The following RNF144A variants were observed in gnomAD, a reference collection of about 807,000 sequenced individuals.
The protein encoded by RNF144A is ring finger protein 144A.
Under a neutral mutation model 38.7 loss-of-function variants are expected in RNF144A, and 11 were observed. The ratio of observed to expected loss-of-function variants is 0.28; its 90% CI spans 0.18 to 0.47. The LOEUF (loss-of-function observed/expected upper bound fraction) is 0.47, where lower values mean the gene tolerates loss of function less well. Ranked by LOEUF, RNF144A falls within the 20% of genes least tolerant of loss-of-function variation. RNF144A has a pLI of 0.99. For missense variants in RNF144A, 316 were observed against 377.2 expected (o/e 0.84, Z 1.34); for synonymous variants, 149 against 143.9 (o/e 1.04, Z -0.25).
rs1054910753 is a variant in RNF144A, at chr2:7,066,689, T to C, written c.735-1527T>C. Among the ~76,000 whole-genome samples the C allele has an allele frequency of 5.9e-5, 9 of 152,326 alleles. No homozygotes were observed. In the South Asian group the frequency reaches 1.4e-3, roughly 25 times the overall value. On this transcript the variant is annotated intron_variant, in intron 6 of 6. Transcript: ENST00000432850. ...ACTAAGGTTGACTTTATGGAGTCAA[T>C]AAAGCCTCTTGGAAAAAAATTATCG...
intron 2 of RNF144A, among the ~76,000 whole-genome samples, chr2:6,968,478 G>T (rs547944749): frequency 2.6e-5 from 4 of 152,296 alleles, no homozygotes; most frequent in African/African-American, 9.6e-5. Flanking sequence ...GATTTATTCT[G>T]GGAACATGAA....
intron 6 of RNF144A, among the ~76,000 whole-genome samples, chr2:7,058,289 T>G (rs2103477716): frequency 6.9e-6 from 1 of 145,538 alleles, no homozygotes; most frequent in African/African-American, 2.6e-5. Flanking sequence ...GAGGGTAACA[T>G]GAGCTATGGC....
At chr2:7,015,002 C>G (rs1003004606) in intron 5 of RNF144A, among the ~76,000 whole-genome samples, 1 of 152,136 alleles carries the variant, frequency 6.6e-6, no homozygotes, top group Admixed American at 6.5e-5. Flanking sequence ...TTATGGAACA[C>G]AATTTGTTTA....
At chr2:7,025,599 G>A (rs1452797986) in intron 7 of RNF144A, among the ~76,000 whole-genome samples, 1 of 152,146 alleles carries the variant, frequency 6.6e-6, no homozygotes, top group East Asian at 1.9e-4. Flanking sequence ...TTGAACCTGG[G>A]AGGCGCAGGT....
intron 2 of RNF144A, among the ~76,000 whole-genome samples, chr2:6,961,547 C>T (rs1454629445): frequency 6.6e-6 from 1 of 152,168 alleles, no homozygotes; most frequent in Non-Finnish European, 1.5e-5. Context: ...AGAGATGAGA[C>T]ATGCATGCAT....
At chr2:7,049,387 T>C (rs1447806164) in intron 6 of RNF144A, among the ~76,000 whole-genome samples, 1 of 152,140 alleles carries the variant, frequency 6.6e-6, no homozygotes, top group East Asian at 1.9e-4. Context: ...TGATCAATGG[T>C]AAGGCAATGA....
At chr2:7,016,411 C>G (rs1398574984) in intron 5 of RNF144A, among the ~76,000 whole-genome samples, 2 of 152,110 alleles carry the variant, frequency 1.3e-5, no homozygotes, top group Non-Finnish European at 2.9e-5. Flanking sequence ...TATGAACTTT[C>G]TATGACATTG....
chr2:7,021,750 G>C (rs1315172632), intron 6 of RNF144A, among the ~76,000 whole-genome samples: 1 of 152,206 alleles, frequency 6.6e-6, no homozygotes, highest in Admixed American at 6.5e-5. Flanking sequence ...TGACACACAG[G>C]GCCTGGGCCT....
At chr2:6,983,786 C>T (rs1219791746) in intron 2 of RNF144A, among the ~76,000 whole-genome samples, 3 of 152,110 alleles carry the variant, frequency 2.0e-5, no homozygotes, top group African/African-American at 4.8e-5. Context: ...TGATGGTGAC[C>T]CTCCTGGCAT....
intron 6 of RNF144A, among the ~76,000 whole-genome samples, chr2:7,065,135 T>C (rs1674153046): frequency 6.6e-6 from 1 of 152,266 alleles, no homozygotes; most frequent in Non-Finnish European, 1.5e-5. Flanking sequence ...TTGACTTATG[T>C]AATTCTTAAA....
chr2:6,922,067 G>A (rs749659897), intron 1 of RNF144A, among the ~76,000 whole-genome samples: 6 of 152,116 alleles, frequency 3.9e-5, no homozygotes, highest in Admixed American at 1.3e-4. Context: ...TCACTGTTTT[G>A]TTTTGGAGCG....
intron 2 of RNF144A, among the ~76,000 whole-genome samples, chr2:6,973,678 G>C (rs565438164): frequency 6.6e-6 from 1 of 152,326 alleles, no homozygotes; most frequent in South Asian, 2.1e-4. Context: ...AGAGAAAGGA[G>C]AAGATTGGAA....
At position 7,040,804 on chromosome 2, in the gene RNF144A, T is replaced by C. The variant is rs938838064; in HGVS notation, c.*1044T>C. On this transcript the variant is annotated 3_prime_UTR_variant, in exon 9 of 9. Transcript: ENST00000320892. The stretch of plus-strand genomic sequence containing the variant: ...CTGCCAGATTTTCACATTTTTAAAA[T>C]GTTCTAGTCATTTTGAGAAATCATA... 8 of 985,356 alleles carry C rather than the reference T, an allele frequency of 8.1e-6. No individual in the cohort carries two copies. In the Admixed American group the frequency reaches 4.9e-4, roughly 61 times the overall value. 61.0% of individuals were successfully genotyped at this position (985,356 alleles called of 1,614,324 possible). A position where few individuals can be genotyped will look rare whatever the true frequency, so the allele number is the denominator to read the frequency against.
At chr2:7,016,225 G>A (rs777506540) in intron 5 of RNF144A, among the ~76,000 whole-genome samples, 9 of 151,498 alleles carry the variant, frequency 5.9e-5, no homozygotes, top group East Asian at 1.9e-4. Flanking sequence ...TTAAAGTGTC[G>A]TATATCATTT....
At position 7,039,810 on chromosome 2, in the gene RNF144A, C is replaced by T. The variant is rs1672936634; in HGVS notation, c.*50C>T. 9 of 1,600,206 alleles carry T rather than the reference C, an allele frequency of 5.6e-6. No homozygotes were observed. The East Asian group carries it at 1.8e-4, about 32-fold the overall frequency. ...CCCTGCCTCCGGGAAGTGTGGCTCT[C>T]CCCCAACCCTCCCCACCGTCCCCCC... On this transcript the variant is annotated 3_prime_UTR_variant, in exon 9 of 9. Transcript: ENST00000320892.
At chr2:6,999,153 G>T (rs3771990) in intron 3 of RNF144A, among the ~76,000 whole-genome samples, 38,821 of 152,208 alleles carry the variant, frequency 0.26, 6,198 homozygotes, top group East Asian at 0.64. Flanking sequence ...TCCGAAAGAG[G>T]CTGCTGGAAA....
At chr2:7,003,898 T>A (rs1304656932) in intron 3 of RNF144A, among the ~76,000 whole-genome samples, 1 of 152,258 alleles carries the variant, frequency 6.6e-6, no homozygotes, top group Non-Finnish European at 1.5e-5. Flanking sequence ...TAGCCATTGT[T>A]TGGCTATTGT....
At chr2:6,954,917 A>T (rs1422938819) in intron 2 of RNF144A, among the ~76,000 whole-genome samples, 2 of 152,228 alleles carry the variant, frequency 1.3e-5, no homozygotes, top group Non-Finnish European at 2.9e-5. Context: ...TGTAGTAAAC[A>T]TATATTAACA....
chr2:6,942,919 G>C (rs779213502), intron 2 of RNF144A, among the ~76,000 whole-genome samples: 2 of 152,200 alleles, frequency 1.3e-5, no homozygotes, highest in Non-Finnish European at 2.9e-5. Context: ...GGGAGGCGGA[G>C]GTCGCAGTGA....
Sources: allele counts gnomAD v4.1 joint callset (sites outside exome capture counted in the v4.1 genomes callset), GRCh38; gene constraint gnomAD v4.1.1; transcripts MANE v1.5; gene names NCBI Gene and HGNC (gene_info 2026-07-23, HGNC 2026-07-21).